ATG4A: variants seen among roughly 807,000 people sequenced by gnomAD.
The protein encoded by ATG4A is autophagy related 4A cysteine peptidase.
A neutral mutation model predicts 38.4 loss-of-function variants in ATG4A; 22 were observed. The ratio of observed to expected loss-of-function variants is 0.57; its 90% CI spans 0.41 to 0.82. The LOEUF (loss-of-function observed/expected upper bound fraction) is 0.82. Among genes scored for constraint, ATG4A ranks in the 40% least tolerant of loss-of-function variants. ATG4A has a pLI of 0.00. For missense variants in ATG4A, 220 were observed against 290.0 expected (o/e 0.76, Z 1.75); for synonymous variants, 86 against 100.7 (o/e 0.85, Z 0.88).
At chrX:108,137,066 G>A in intron 6 of ATG4A, 25 bp from the exon 7 acceptor site, 7 of 1,173,818 alleles carry the variant, frequency 6.0e-6, no homozygotes, top group Non-Finnish European at 8.1e-6. Context: ...CCCAAATTGT[G>A]ACTTCATTAT....
intron 1 of ATG4A, among the ~76,000 whole-genome samples, chrX:108,092,127 G>A (rs2031651776): frequency 9.0e-6 from 1 of 110,938 alleles, no homozygotes; most frequent in Non-Finnish European, 1.9e-5. Flanking sequence ...ACATCTCGGC[G>A]GTGTGGCATC....
chrX:108,124,212 A>C (rs2032736806), intron 1 of ATG4A, among the ~76,000 whole-genome samples: 1 of 112,003 alleles, frequency 8.9e-6, no homozygotes, highest in African/African-American at 3.3e-5. Context: ...GGCTGAGGCC[A>C]GCAGCAGAGA....
chrX:108,150,093 A>T, intron 9 of ATG4A, 59 bp from the exon 10 acceptor site: 1 of 1,134,387 alleles, frequency 8.8e-7, no homozygotes, highest in Non-Finnish European at 1.2e-6. Flanking sequence ...CCTCCCAACA[A>T]CAGCAGTGGG....
intron 4 of ATG4A, 120 bp from the exon 5 acceptor site, chrX:108,133,934 GTCA>G: frequency 2.0e-6 from 1 of 491,352 alleles, no homozygotes. Flanking sequence ...TTCTAACTTG[GTCA>G]TCCCTGCCTT....
At chrX:108,111,750 G>A (rs1602625324) in intron 1 of ATG4A, among the ~76,000 whole-genome samples, 2 of 111,523 alleles carry the variant, frequency 1.8e-5, no homozygotes, top group Middle Eastern at 9.3e-3. Flanking sequence ...ACTCTTTCTG[G>A]GAAAAGGGCT....
intron 9 of ATG4A, among the ~76,000 whole-genome samples, chrX:108,142,367 G>A (rs1178341648): frequency 9.0e-6 from 1 of 110,982 alleles, no homozygotes; most frequent in East Asian, 2.8e-4. Flanking sequence ...GCTGCAGTGA[G>A]CCAAGATTGT....
At chrX:108,135,306 AT>A (rs766566875) in intron 6 of ATG4A, among the ~76,000 whole-genome samples, 3 of 112,503 alleles carry the variant, frequency 2.7e-5, no homozygotes, top group Non-Finnish European at 5.6e-5. Flanking sequence ...CTGAGGCCAG[AT>A]TTAGGGATCA....
chrX:108,141,062 A>G (rs1282245546), intron 9 of ATG4A, among the ~76,000 whole-genome samples: 1 of 25,123 alleles, frequency 4.0e-5, no homozygotes, highest in African/African-American at 1.5e-4. Context: ...ATATACGTGT[A>G]TATATATACA....
chrX:108,149,523 G>A (rs1380322914), intron 9 of ATG4A, among the ~76,000 whole-genome samples: 1 of 112,825 alleles, frequency 8.9e-6, no homozygotes, highest in Non-Finnish European at 1.9e-5. Flanking sequence ...TATCTGTACT[G>A]ATGTCAATGT....
chrX:108,144,442 C>G (rs1054462164), intron 9 of ATG4A, among the ~76,000 whole-genome samples: 6 of 112,255 alleles, frequency 5.3e-5, no homozygotes, highest in East Asian at 5.6e-4. Flanking sequence ...GTGTTGGTCT[C>G]TGCTGCTGGC....
intron 1 of ATG4A, among the ~76,000 whole-genome samples, chrX:108,113,601 C>T (rs758412053): frequency 5.4e-5 from 6 of 111,065 alleles, no homozygotes; most frequent in East Asian, 2.8e-4. Context: ...AAGACATACC[C>T]GAGACTGCGA....
At chrX:108,110,093 C>T (rs1486643751) in intron 1 of ATG4A, among the ~76,000 whole-genome samples, 1 of 106,968 alleles carries the variant, frequency 9.3e-6, no homozygotes, top group Non-Finnish European at 1.9e-5. Flanking sequence ...GATCTGAGAC[C>T]AGGTATGTGG....
At chrX:108,132,829 A>G (rs1602656546) in intron 4 of ATG4A, among the ~76,000 whole-genome samples, 1 of 110,521 alleles carries the variant, frequency 9.0e-6, no homozygotes, top group South Asian at 3.9e-4. Context: ...ACAGTCAGCA[A>G]TCTCAATTGT....
At chrX:108,109,504 T>A (rs2032293372) in intron 1 of ATG4A, among the ~76,000 whole-genome samples, 4 of 112,369 alleles carry the variant, frequency 3.6e-5, no homozygotes, top group Non-Finnish European at 5.6e-5. Flanking sequence ...TCTATTTTTG[T>A]TCTTGTTGCC....
chrX:108,140,774 AAT>A (rs1419808595), intron 9 of ATG4A, among the ~76,000 whole-genome samples: 1 of 100,020 alleles, frequency 1.0e-5, no homozygotes, highest in Non-Finnish European at 2.0e-5. Context: ...TATATAAAAT[AAT>A]ATATAAATAT....
In ATG4A at chrX:108,152,999, A is replaced by C; in HGVS notation, c.1038A>C (p.Leu346Phe). Residue 346 changes from leucine to phenylalanine, a missense_variant, in exon 12 of 13, where the codon TTA (leucine) becomes TTC (phenylalanine). Transcript: ENST00000372232. ...LVQKEILKEN[L>F]RMFELVQKHP... Reference sequence around the variant, plus strand: ...CCCAGGAAATTCTAAAGGAGAATTTAAGGATGTTTGAATTAGTTCAGAAAC... The same window carrying C: ...CCCAGGAAATTCTAAAGGAGAATTTCAGGATGTTTGAATTAGTTCAGAAAC... 8.3e-7 allele frequency: 1 copy of C among 1,209,258 alleles called. No individual in the cohort carries two copies.
chrX:108,131,573 G>A (rs1033295341), intron 4 of ATG4A, among the ~76,000 whole-genome samples: 1 of 111,898 alleles, frequency 8.9e-6, no homozygotes, highest in Non-Finnish European at 1.9e-5. Context: ...ACCAAGCCAG[G>A]GAGTTATTTT....
chrX:108,147,760 C>T (rs759605157), intron 9 of ATG4A, among the ~76,000 whole-genome samples: 7 of 110,252 alleles, frequency 6.3e-5, no homozygotes, highest in Admixed American at 2.9e-4. Context: ...TTGCCTCTCA[C>T]GAGCGATGAT....
At chrX:108,147,812 C>G (rs1193106726) in intron 9 of ATG4A, among the ~76,000 whole-genome samples, 1 of 109,392 alleles carries the variant, frequency 9.1e-6, no homozygotes, top group Non-Finnish European at 1.9e-5. Flanking sequence ...ACTCTCTAAA[C>G]AGTTCACACC....
Sources: allele counts gnomAD v4.1 joint callset (sites outside exome capture counted in the v4.1 genomes callset), GRCh38; gene constraint gnomAD v4.1.1; transcripts MANE v1.5; gene names NCBI Gene and HGNC (gene_info 2026-07-23, HGNC 2026-07-21).